AFF1: variants seen among roughly 807,000 people sequenced by gnomAD.
AFF1 encodes the protein ALF transcription elongation factor 1.
Under a neutral mutation model 121.7 loss-of-function variants are expected in AFF1, and 48 were observed. The observed-to-expected ratio is 0.39, with a 90% confidence interval of 0.31 to 0.50. AFF1 has a LOEUF of 0.50. Ranked by LOEUF, AFF1 falls within the 20% of genes least tolerant of loss-of-function variation. The pLI is 0.76. For synonymous variants in AFF1, 613 were observed against 563.0 expected (o/e 1.09, Z -1.26); for missense variants, 1,523 against 1,511.7 (o/e 1.01, Z -0.12).
At chr4:86,939,542 T>C (rs892474453) in intron 1 of AFF1, among the ~76,000 whole-genome samples, 1 of 152,246 alleles carries the variant, frequency 6.6e-6, no homozygotes. Context: ...TTATTTGCAC[T>C]AGATAAGAAT....
In AFF1 at chr4:87,127,170, C is replaced by G. The variant is rs555125194; in HGVS notation, c.2903+53C>G. The G allele has an allele frequency of 1.5e-5, 20 of 1,293,424 alleles. 2 individuals carry two copies. The highest frequency in any genetic ancestry group is 2.4e-5 in the South Asian group (2 of 83,582). The allele number at this position is 1,293,424 out of a possible 1,614,324, so 80.1% of individuals were successfully genotyped here. On this transcript the variant is annotated intron_variant, in intron 15 of 20. Coordinates refer to ENST00000395146, the MANE Select transcript of AFF1 (RefSeq NM_001166693.3). Reference sequence around the variant, plus strand: ...TCTGTTTTGTTTTGTTTTGCTTCCCCCCCCCACCAAGATAGAGTCTCACTC... The same window carrying G: ...TCTGTTTTGTTTTGTTTTGCTTCCCGCCCCCACCAAGATAGAGTCTCACTC...
At chr4:87,025,317 C>G (rs1728415766) in intron 2 of AFF1, among the ~76,000 whole-genome samples, 1 of 152,100 alleles carries the variant, frequency 6.6e-6, no homozygotes, top group Admixed American at 6.5e-5. Context: ...TTACAACAGC[C>G]CAAAACTTTT....
intron 1 of AFF1, among the ~76,000 whole-genome samples, chr4:86,944,632 C>T (rs751518801): frequency 3.9e-5 from 6 of 152,142 alleles, no homozygotes; most frequent in African/African-American, 7.2e-5. Context: ...ACAGCCGCGG[C>T]GCCCAGCCTC....
At chr4:86,959,121 T>C (rs1207257682) in intron 2 of AFF1, among the ~76,000 whole-genome samples, 1 of 152,204 alleles carries the variant, frequency 6.6e-6, no homozygotes, top group African/African-American at 2.4e-5. Flanking sequence ...TGGTTTCTAA[T>C]GTCAATAGTG....
At chr4:87,104,637 G>A (rs1404939559) in intron 8 of AFF1, among the ~76,000 whole-genome samples, 1 of 152,142 alleles carries the variant, frequency 6.6e-6, no homozygotes, top group East Asian at 1.9e-4. Flanking sequence ...AAGACACCAT[G>A]CCTGCTTTCT....
At chr4:86,986,848 A>G (rs957311240) in intron 2 of AFF1, among the ~76,000 whole-genome samples, 32 of 152,112 alleles carry the variant, frequency 2.1e-4, no homozygotes, top group Admixed American at 9.8e-4. Flanking sequence ...TATTGTGGTT[A>G]TTATTATTAT....
chr4:86,960,872 A>T (rs1392136046), intron 2 of AFF1, among the ~76,000 whole-genome samples: 1 of 152,174 alleles, frequency 6.6e-6, no homozygotes, highest in Non-Finnish European at 1.5e-5. Flanking sequence ...CCTGAGTGGA[A>T]CTGGTAAGGC....
At chr4:87,064,936 G>A (rs1721186605) in intron 4 of AFF1, among the ~76,000 whole-genome samples, 1 of 151,604 alleles carries the variant, frequency 6.6e-6, no homozygotes, top group Non-Finnish European at 1.5e-5. Flanking sequence ...CTGCTCAGGA[G>A]GCTGAGGTAG....
chr4:86,976,039 A>T (rs1377519283), intron 2 of AFF1, among the ~76,000 whole-genome samples: 1 of 152,166 alleles, frequency 6.6e-6, no homozygotes, highest in African/African-American at 2.4e-5. Context: ...AAGAAGTGTA[A>T]ATGTAAATGA....
At chr4:86,991,301 C>T (rs1280558614) in intron 2 of AFF1, among the ~76,000 whole-genome samples, 2 of 151,410 alleles carry the variant, frequency 1.3e-5, no homozygotes, top group Admixed American at 6.6e-5. Flanking sequence ...AAAAATTAGC[C>T]GGGCTTGGTG....
In AFF1 at chr4:87,091,831, T is replaced by C; in HGVS notation, c.1228+2T>C. ...TCAGTTCTGTAACCCAAAACCAAAG[T>C]AAGTAAATTTGAAACTGCTTATTGG... On this transcript the variant is annotated splice_donor_variant, in intron 7 of 20. Coordinates refer to ENST00000395146, the MANE Select transcript of AFF1 (RefSeq NM_001166693.3). LOFTEE classifies it high-confidence loss of function. The C allele has an allele frequency of 6.4e-7, 1 of 1,559,622 alleles. No individual in the cohort carries two copies. Among genetic ancestry groups the C allele is most frequent in the Non-Finnish European group, 8.7e-7 (1 of 1,153,578 alleles).
At chr4:87,120,222 C>T (rs894746416) in intron 12 of AFF1, among the ~76,000 whole-genome samples, 2 of 152,190 alleles carry the variant, frequency 1.3e-5, no homozygotes, top group Non-Finnish European at 2.9e-5. Flanking sequence ...AGTCCCTGGG[C>T]CTGATCTTGG....
intron 12 of AFF1, among the ~76,000 whole-genome samples, chr4:87,123,426 C>T (rs547089942): frequency 6.6e-6 from 1 of 152,334 alleles, no homozygotes; most frequent in East Asian, 1.9e-4. Context: ...AACTGATAGC[C>T]TCCCGAGGGT....
intron 2 of AFF1, among the ~76,000 whole-genome samples, chr4:87,035,349 C>A (rs550049654): frequency 6.6e-6 from 1 of 152,198 alleles, no homozygotes; most frequent in South Asian, 2.1e-4. Flanking sequence ...ATCACGAGGT[C>A]AGGAGATCGA....
At chr4:86,938,516 TA>T (rs142049989) in intron 1 of AFF1, among the ~76,000 whole-genome samples, 2,990 of 152,028 alleles carry the variant, frequency 0.02, 106 homozygotes, top group African/African-American at 0.067. Flanking sequence ...AGAGTTTGAT[TA>T]GTGATATTTT....
intron 2 of AFF1, among the ~76,000 whole-genome samples, chr4:86,979,402 CT>C (rs1175534571): frequency 2.0e-5 from 3 of 152,216 alleles, no homozygotes; most frequent in Non-Finnish European, 4.4e-5. Context: ...CAGCCTGCCC[CT>C]GCTTCTCTTA....
rs145951461 is a variant in AFF1 at position 87,038,382 on chromosome 4, A to T, written c.39-7784A>T. 1.4e-3 allele frequency among the ~76,000 whole-genome samples: 215 copies of T among 152,306 alleles called. 2 individuals carry two copies. The highest frequency in any genetic ancestry group is 4.5e-3 in the African/African-American group (187 of 41,568). ...AGACATGGAGTCACTTTGATTTCTC[A>T]TGTTTAAATTGTATTTGGAAGTCAA... is the stretch of plus-strand genomic sequence containing the variant. On this transcript the variant is annotated intron_variant, in intron 2 of 20. Coordinates refer to ENST00000395146, the MANE Select transcript of AFF1 (RefSeq NM_001166693.3).
chr4:87,066,433 C>T (rs1721356364), intron 4 of AFF1, among the ~76,000 whole-genome samples: 3 of 152,040 alleles, frequency 2.0e-5, no homozygotes, highest in Admixed American at 1.3e-4. Context: ...AAATATTTAA[C>T]AATTAGCTGA....
intron 4 of AFF1, among the ~76,000 whole-genome samples, chr4:87,057,300 C>A (rs1006081323): frequency 6.6e-6 from 1 of 152,026 alleles, no homozygotes; most frequent in South Asian, 2.1e-4. Flanking sequence ...TTTTGAAATT[C>A]TTTAGTTATT....
Sources: gnomAD v4.1 joint callset for allele counts (sites outside exome capture counted in the v4.1 genomes callset) on GRCh38, gnomAD v4.1.1 for gene constraint, MANE v1.5 for transcripts, NCBI Gene and HGNC (gene_info 2026-07-23, HGNC 2026-07-21) for gene names.